The following FRMD4A variants were observed in gnomAD, a reference collection of about 807,000 sequenced individuals.
FRMD4A encodes the protein FERM domain containing 4A.
A neutral mutation model predicts 129.1 loss-of-function variants in FRMD4A; 29 were observed. That is an observed-to-expected ratio of 0.22 (90% CI 0.17 to 0.31). The LOEUF is 0.31. FRMD4A is among the 10% of genes least tolerant of loss of function. FRMD4A has a pLI of 1.00. For synonymous variants in FRMD4A, 634 were observed against 571.6 expected (o/e 1.11, Z -1.56); for missense variants, 1,272 against 1,375.8 (o/e 0.92, Z 1.19).
chr10:13,683,724 T>TC (rs2084829773), intron 15 of FRMD4A, among the ~76,000 whole-genome samples: 1 of 151,432 alleles, frequency 6.6e-6, no homozygotes, highest in African/African-American at 2.4e-5. Flanking sequence ...TTTTTTTTTT[T>TC]CTTTTTGAGA....
intron 2 of FRMD4A, among the ~76,000 whole-genome samples, chr10:14,197,724 G>A (rs766622953): frequency 1.3e-5 from 2 of 152,160 alleles, no homozygotes; most frequent in African/African-American, 2.4e-5. Context: ...CAATTGTCTT[G>A]CATGTTCTAC....
At chr10:14,264,616 A>G (rs1268796617) in intron 2 of FRMD4A, among the ~76,000 whole-genome samples, 1 of 152,190 alleles carries the variant, frequency 6.6e-6, no homozygotes, top group African/African-American at 2.4e-5. Context: ...TTGTAATATT[A>G]TTTAACCCAA....
intron 2 of FRMD4A, among the ~76,000 whole-genome samples, chr10:14,041,392 TGTC>T (rs1341855635): frequency 6.6e-6 from 1 of 152,266 alleles, no homozygotes; most frequent in Non-Finnish European, 1.5e-5. Context: ...CAGCTTAACT[TGTC>T]ATCATGAAAA....
intron 6 of FRMD4A, among the ~76,000 whole-genome samples, chr10:13,771,724 C>G (rs1347589586): frequency 6.6e-6 from 1 of 152,084 alleles, no homozygotes; most frequent in Non-Finnish European, 1.5e-5. Context: ...TTGGTTATCA[C>G]TGCTGGGGAA....
rs181260591 is a variant in FRMD4A at position 13,797,790 on chromosome 10, C to T, written c.207-1202G>A. Among the ~76,000 whole-genome samples, 7 of 152,292 alleles carry T rather than the reference C, an allele frequency of 4.6e-5. No individual in the cohort carries two copies. In the East Asian group the frequency reaches 1.2e-3, roughly 25 times the overall value. On this transcript the variant is annotated intron_variant, in intron 4 of 24. Transcript: ENST00000357447. ...GATAATGAGAAACAAAATCTGTCTG[C>T]ATCATTGTCTAAAAACGCTTGTTCC...
At chr10:13,842,499 T>C (rs3893345) in intron 3 of FRMD4A, among the ~76,000 whole-genome samples, 29,258 of 152,160 alleles carry the variant, frequency 0.19, 3,171 homozygotes, top group South Asian at 0.34. Context: ...TGCAAGGTAC[T>C]TATAATTCCC....
At chr10:13,976,913 T>C (rs532927848) in intron 2 of FRMD4A, among the ~76,000 whole-genome samples, 5 of 152,300 alleles carry the variant, frequency 3.3e-5, no homozygotes, top group South Asian at 2.1e-4. Context: ...CTTGGATGCA[T>C]TTTGTTATCT....
chr10:13,686,525 G>C (rs552077482), intron 15 of FRMD4A, among the ~76,000 whole-genome samples: 1 of 152,194 alleles, frequency 6.6e-6, no homozygotes, highest in Admixed American at 6.5e-5. Flanking sequence ...GAATGTGGAC[G>C]GATCCCAGGC....
intron 2 of FRMD4A, among the ~76,000 whole-genome samples, chr10:14,318,750 T>G (rs1846852628): frequency 6.6e-6 from 1 of 152,118 alleles, no homozygotes; most frequent in African/African-American, 2.4e-5. Flanking sequence ...GAACATAGAA[T>G]CAAGTTACAT....
chr10:14,158,526 C>T (rs979249639), intron 2 of FRMD4A, among the ~76,000 whole-genome samples: 7 of 151,872 alleles, frequency 4.6e-5, no homozygotes, highest in African/African-American at 1.2e-4. Flanking sequence ...GCAGGAGGAT[C>T]GCTTGAGCCC....
At chr10:13,919,470 G>GTGT (rs1254365676) in intron 2 of FRMD4A, among the ~76,000 whole-genome samples, 1 of 152,152 alleles carries the variant, frequency 6.6e-6, no homozygotes, top group Non-Finnish European at 1.5e-5. Flanking sequence ...CTGGACTTAA[G>GTGT]AGTGTAGAAA....
intron 2 of FRMD4A, among the ~76,000 whole-genome samples, chr10:14,009,701 A>G (rs2131633555): frequency 6.6e-6 from 1 of 152,346 alleles, no homozygotes; most frequent in Middle Eastern, 3.4e-3. Context: ...ATCACGAGTC[A>G]GTTAAAGAAA....
chr10:14,001,450 G>C (rs2095642565), intron 2 of FRMD4A, among the ~76,000 whole-genome samples: 1 of 152,188 alleles, frequency 6.6e-6, no homozygotes. Flanking sequence ...CATTTGCATA[G>C]ATATTTGCAA....
intron 5 of FRMD4A, among the ~76,000 whole-genome samples, chr10:13,791,270 G>A (rs973410543): frequency 2.0e-5 from 3 of 152,282 alleles, no homozygotes; most frequent in African/African-American, 7.2e-5. Context: ...GAGACCCTGA[G>A]CAGGCACCCC....
At chr10:14,070,789 A>G (rs1471242296) in intron 2 of FRMD4A, among the ~76,000 whole-genome samples, 1 of 152,242 alleles carries the variant, frequency 6.6e-6, no homozygotes, top group Non-Finnish European at 1.5e-5. Flanking sequence ...AAATGCAGAC[A>G]TGTCACTGCA....
chr10:13,652,032 T>TGACACA (rs141423471), intron 23 of FRMD4A, 58 bp from the exon 24 acceptor site: 30 of 902,180 alleles, frequency 3.3e-5, no homozygotes, highest in Non-Finnish European at 5.3e-5. Flanking sequence ...AGAGAGACAC[T>TGACACA]GACACAGACA....
intron 2 of FRMD4A, chr10:14,326,566 T>C (rs1340237223): frequency 3.1e-6 from 1 of 324,970 alleles, no homozygotes; most frequent in Non-Finnish European, 5.5e-6. Context: ...TTATTTATTA[T>C]CCAGTTAATT....
At chr10:14,263,648 G>A (rs1844881015) in intron 2 of FRMD4A, among the ~76,000 whole-genome samples, 1 of 152,178 alleles carries the variant, frequency 6.6e-6, no homozygotes, top group South Asian at 2.1e-4. Flanking sequence ...AGCCATCAAG[G>A]ATGGAAACTT....
intron 2 of FRMD4A, among the ~76,000 whole-genome samples, chr10:14,102,225 C>T (rs1388839432): frequency 6.6e-6 from 1 of 152,160 alleles, no homozygotes. Flanking sequence ...GCAGCTTAAT[C>T]ACATTCAACA....
Sources: gnomAD v4.1 joint callset for allele counts (sites outside exome capture counted in the v4.1 genomes callset) on GRCh38, gnomAD v4.1.1 for gene constraint, MANE v1.5 for transcripts, NCBI Gene and HGNC (gene_info 2026-07-23, HGNC 2026-07-21) for gene names.